The following SVIL variants were observed in gnomAD, a reference collection of about 807,000 sequenced individuals.
SVIL encodes the protein archvillin.
A neutral mutation model predicts 240.4 loss-of-function variants in SVIL; 101 were observed. That is an observed-to-expected ratio of 0.42 (90% CI 0.36 to 0.50). The LOEUF is 0.50. SVIL is among the 20% of genes least tolerant of loss of function. The pLI is 0.01. For missense variants in SVIL, 2,512 were observed against 2,818.7 expected (o/e 0.89, Z 2.46); for synonymous variants, 999 against 1,100.0 (o/e 0.91, Z 1.82).
intron 1 of SVIL, among the ~76,000 whole-genome samples, chr10:29,603,464 A>G (rs1162695398): frequency 6.6e-6 from 1 of 152,232 alleles, no homozygotes; most frequent in African/African-American, 2.4e-5. Flanking sequence ...ATGGAAAAGC[A>G]TTCAGTGAGC....
chr10:29,714,233 C>A (rs1004414947), intron 1 of SVIL, among the ~76,000 whole-genome samples: 1 of 152,186 alleles, frequency 6.6e-6, no homozygotes, highest in African/African-American at 2.4e-5. Flanking sequence ...CAAACCAGTG[C>A]AAAGCTATCC....
intron 18 of SVIL, among the ~76,000 whole-genome samples, chr10:29,495,803 A>C (rs1948399919): frequency 6.6e-6 from 1 of 152,160 alleles, no homozygotes; most frequent in Admixed American, 6.5e-5. Flanking sequence ...GGAATCTTTA[A>C]AAGGGCAAGT....
At chr10:29,639,432 G>A (rs1184806788), upstream of SVIL, among the ~76,000 whole-genome samples, 1 of 149,638 alleles carries the variant, frequency 6.7e-6, no homozygotes, top group African/African-American at 2.5e-5. Context: ...GCCTCCCAAA[G>A]TGATGAGATT....
chr10:29,732,608 C>T (rs1964684543), intron 1 of SVIL, among the ~76,000 whole-genome samples: 1 of 152,116 alleles, frequency 6.6e-6, no homozygotes, highest in Admixed American at 6.5e-5. Context: ...CATAGTTGAC[C>T]ATGTTTAAGG....
At chr10:29,613,525 T>C (rs1957327230) in intron 1 of SVIL, among the ~76,000 whole-genome samples, 1 of 152,060 alleles carries the variant, frequency 6.6e-6, no homozygotes, top group Admixed American at 6.6e-5. Context: ...TTTGTAAAGA[T>C]GGAGGTCTCA....
At chr10:29,486,844 T>C (rs1171599255) in intron 24 of SVIL, among the ~76,000 whole-genome samples, 7 of 152,236 alleles carry the variant, frequency 4.6e-5, no homozygotes, top group African/African-American at 1.7e-4. Context: ...ACAGTCTCAT[T>C]CAACAGGTCT....
At chr10:29,716,398 C>T (rs1169159599) in intron 1 of SVIL, among the ~76,000 whole-genome samples, 2 of 151,814 alleles carry the variant, frequency 1.3e-5, no homozygotes, top group South Asian at 2.1e-4. Flanking sequence ...AGGACTGATA[C>T]AAAATCCAGT....
intron 16 of SVIL, among the ~76,000 whole-genome samples, chr10:29,514,789 A>T (rs949288599): frequency 6.6e-6 from 1 of 152,194 alleles, no homozygotes; most frequent in African/African-American, 2.4e-5. Context: ...TGGTCAGATG[A>T]TCTCTAAGGG....
In SVIL at chr10:29,735,314, G is replaced by T. The variant is rs1964837555; in HGVS notation, c.-400+437C>A. Reference sequence around the variant, plus strand: ...TGCGGCTGGTGTCGGGAAAGGAACCGGGCGATGTCGTAGTTCTGATCACTG... The same window carrying T: ...TGCGGCTGGTGTCGGGAAAGGAACCTGGCGATGTCGTAGTTCTGATCACTG... On this transcript the variant is annotated intron_variant, in intron 1 of 35. Transcript: ENST00000375400. This position sits in a 1 kb window ranked among gnomAD's most constrained non-coding sequence, Gnocchi z 4.1. Among the ~76,000 whole-genome samples, 1 of 151,564 alleles carries T rather than the reference G, an allele frequency of 6.6e-6. No homozygotes were observed. Among genetic ancestry groups the T allele is most frequent in the Non-Finnish European group, 1.5e-5 (1 of 67,800 alleles).
At chr10:29,692,954 T>C (rs993143925) in intron 1 of SVIL, among the ~76,000 whole-genome samples, 1 of 152,210 alleles carries the variant, frequency 6.6e-6, no homozygotes, top group Admixed American at 6.5e-5. Flanking sequence ...CATATATGCC[T>C]AGTGTTCCAT....
chr10:29,550,884 A>C lies in SVIL; in HGVS notation c.540T>G (p.Gly180=). 1 of 1,613,724 alleles carries C rather than the reference A, an allele frequency of 6.2e-7. No individual in the cohort carries two copies. The highest frequency in any genetic ancestry group is 2.2e-5 in the East Asian group (1 of 44,842). ...TETMGLRTCA[G]ESKDYALHVG... ...CATGGAGGGCATAGTCCTTGGATTCACCGGCACAGGTCCTGAGCCCCATCG... is the reference window on the plus strand; with the variant it reads ...CATGGAGGGCATAGTCCTTGGATTCCCCGGCACAGGTCCTGAGCCCCATCG... The change falls in exon 6 of 38, where the codon GGT becomes GGG. Residue 180 remains glycine, a synonymous_variant. Transcript: ENST00000355867.
intron 11 of SVIL, among the ~76,000 whole-genome samples, chr10:29,530,383 AG>A (rs1019147886): frequency 3.2e-4 from 49 of 152,278 alleles, no homozygotes; most frequent in African/African-American, 1.1e-3. Context: ...CAGAGGCAGG[AG>A]GGCCTTAGCA....
intron 1 of SVIL, among the ~76,000 whole-genome samples, chr10:29,731,576 T>G (rs1964624118): frequency 6.6e-6 from 1 of 152,194 alleles, no homozygotes; most frequent in South Asian, 2.1e-4. Flanking sequence ...CATTCCTTTG[T>G]TAGGCAATGA....
In SVIL at chr10:29,473,832, A is replaced by C. The variant is rs1321695020; in HGVS notation, c.5529+6T>G. ...TCCCCGGGGTGCAGAGCTCCCCAGG[A>C]CTCACCTGGGCCCCCCTTTCCTCGT... On this transcript the variant is annotated splice_donor_region_variant and intron_variant, in intron 30 of 37. Coordinates refer to ENST00000355867, the MANE Select transcript of SVIL (RefSeq NM_021738.3). The C allele has an allele frequency of 1.9e-6, 3 of 1,612,580 alleles. No homozygotes were observed. In the Admixed American group the frequency reaches 5.0e-5, roughly 27 times the overall value.
intron 2 of SVIL, among the ~76,000 whole-genome samples, chr10:29,660,278 C>T (rs1018106627): frequency 6.6e-6 from 1 of 151,970 alleles, no homozygotes; most frequent in African/African-American, 2.4e-5. Flanking sequence ...CACTGCGCTC[C>T]AGCTCGGGCA....
chr10:29,551,742 A>T (rs1191060921), intron 5 of SVIL, among the ~76,000 whole-genome samples: 1 of 151,756 alleles, frequency 6.6e-6, no homozygotes, highest in East Asian at 1.9e-4. Flanking sequence ...GGCCCATATC[A>T]TTATTCACCA....
At chr10:29,576,018 G>T in intron 1 of SVIL, 1 of 739,170 alleles carries the variant, frequency 1.4e-6, no homozygotes, top group Non-Finnish European at 1.7e-6. Context: ...TGCAATTGGG[G>T]TATAAATGTG....
intron 36 of SVIL, 63 bp downstream of exon 36, chr10:29,462,214 A>G: frequency 3.9e-6 from 6 of 1,558,032 alleles, no homozygotes; most frequent in Non-Finnish European, 5.2e-6. Flanking sequence ...TCCCCAAAGT[A>G]AAGTTAACCC....
At chr10:29,729,246 A>T (rs1225887002) in intron 1 of SVIL, among the ~76,000 whole-genome samples, 8 of 151,920 alleles carry the variant, frequency 5.3e-5, no homozygotes. Context: ...TTCCAACAGT[A>T]CCCCTGTGGA....
Sources: allele counts gnomAD v4.1 joint callset (sites outside exome capture counted in the v4.1 genomes callset), GRCh38; gene constraint gnomAD v4.1.1; non-coding constraint Gnocchi (gnomAD v3.1); transcripts MANE v1.5; gene names NCBI Gene and HGNC (gene_info 2026-07-23, HGNC 2026-07-21).